The following BEND6 variants were observed in gnomAD, a reference collection of about 807,000 sequenced individuals.
The protein encoded by BEND6 is BEN domain containing 6.
A neutral mutation model predicts 31.8 loss-of-function variants in BEND6; 24 were observed. That is an observed-to-expected ratio of 0.75 (90% confidence interval 0.55 to 1.06). The LOEUF is 1.06. Ranked by LOEUF, BEND6 falls within the 50% of genes least tolerant of loss-of-function variation. The probability of loss-of-function intolerance (pLI) is 0.00; values close to 1 mark genes in which losing one functional copy is unlikely to be tolerated. For synonymous variants in BEND6, 109 were observed against 114.6 expected, an observed-to-expected ratio of 0.95 and a Z score of 0.31; for missense variants, 294 against 327.4, an observed-to-expected ratio of 0.90 and a Z score of 0.79.
intron 5 of BEND6, 60 bp from the exon 6 acceptor site, chr6:57,018,361 A>G (rs746983125): frequency 2.7e-5 from 41 of 1,526,058 alleles, no homozygotes; most frequent in Non-Finnish European, 3.4e-5. Context: ...ACCTCAGTTC[A>G]TACCCTAAGA....
At chr6:56,988,900 G>A (rs547682449) in intron 2 of BEND6, among the ~76,000 whole-genome samples, 118 of 152,118 alleles carry the variant, frequency 7.8e-4, no homozygotes, top group Admixed American at 4.3e-3. Flanking sequence ...GCATGCTGGC[G>A]CGTGCCTGAA....
At chr6:57,003,256 T>C (rs944256148) in intron 3 of BEND6, among the ~76,000 whole-genome samples, 3 of 152,108 alleles carry the variant, frequency 2.0e-5, no homozygotes, top group Admixed American at 2.0e-4. Flanking sequence ...ATCTCACCAC[T>C]TTGAAAGGCC....
At chr6:56,965,676 T>TTATATA (rs35074783) in intron 1 of BEND6, among the ~76,000 whole-genome samples, 3,996 of 136,484 alleles carry the variant, frequency 0.029, 72 homozygotes, top group African/African-American at 0.046. Context: ...ACAAAAAAAT[T>TTATATA]TATATATATA....
chr6:56,958,324 T>C (rs539396461), intron 1 of BEND6, among the ~76,000 whole-genome samples: 2 of 152,122 alleles, frequency 1.3e-5, no homozygotes, highest in South Asian at 4.1e-4. Context: ...CTCAGTACTT[T>C]CTTAGAGGCA....
intron 1 of BEND6, chr6:56,975,880 A>G (rs1825854593): frequency 1.9e-6 from 1 of 527,186 alleles, no homozygotes; most frequent in Admixed American, 2.0e-5. Flanking sequence ...TAGAGCCAAC[A>G]CTTGCAGGTT....
chr6:56,962,154 A>T (rs746755231), intron 1 of BEND6, among the ~76,000 whole-genome samples: 69 of 152,282 alleles, frequency 4.5e-4, no homozygotes, highest in Non-Finnish European at 8.5e-4. Flanking sequence ...CCACCATGTG[A>T]TGACACAGCA....
intron 2 of BEND6, among the ~76,000 whole-genome samples, chr6:56,984,700 C>G (rs1826193443): frequency 6.6e-6 from 1 of 152,162 alleles, no homozygotes; most frequent in Non-Finnish European, 1.5e-5. Flanking sequence ...AGCATGAAAA[C>G]TGTTCTCTTC....
At chr6:57,004,563 A>T in intron 3 of BEND6, 2 of 886,658 alleles carry the variant, frequency 2.3e-6, no homozygotes, top group Non-Finnish European at 3.7e-6. Flanking sequence ...CAGGTGCGCC[A>T]GAACTACCAC....
At chr6:57,001,014 A>G (rs1472900285) in intron 3 of BEND6, among the ~76,000 whole-genome samples, 1 of 151,928 alleles carries the variant, frequency 6.6e-6, no homozygotes, top group Non-Finnish European at 1.5e-5. Context: ...CATTTTAGGG[A>G]AAGGAAAAAA....
intron 1 of BEND6, among the ~76,000 whole-genome samples, chr6:56,978,268 G>A (rs1206381096): frequency 2.0e-5 from 3 of 152,056 alleles, no homozygotes; most frequent in Non-Finnish European, 4.4e-5. Flanking sequence ...GGGTGAGAGA[G>A]CAAGACCCTG....
intron 1 of BEND6, among the ~76,000 whole-genome samples, chr6:56,963,906 TTAA>T (rs753405357): frequency 2.2e-4 from 33 of 147,822 alleles, no homozygotes; most frequent in African/African-American, 5.4e-4. Flanking sequence ...AATTACAATA[TTAA>T]TAATATACTT....
intron 4 of BEND6, 84 bp from the exon 5 acceptor site, chr6:57,017,123 C>G (rs1827590657): frequency 2.3e-6 from 2 of 856,670 alleles, no homozygotes; most frequent in Admixed American, 7.7e-5. Context: ...ACATTGTTTT[C>G]TTTTATGCCT....
chr6:56,987,444 G>T (rs17758700), intron 2 of BEND6, among the ~76,000 whole-genome samples: 1 of 152,104 alleles, frequency 6.6e-6, no homozygotes, highest in Admixed American at 6.5e-5. Context: ...TCTGTGGCCC[G>T]GAGAGACACC....
chr6:56,981,937 T>C lies in BEND6; in HGVS notation c.120+7T>C. ...TGACATGGATAAAGGACAGGTTGGT[T>C]TTTTGTTACCTTGACTCAACTTTGT... is the stretch of plus-strand genomic sequence containing the variant. On this transcript the variant is annotated splice_region_variant and intron_variant, in intron 2 of 6. Transcript: ENST00000370746. 6.2e-7 allele frequency: 1 copy of C among 1,601,692 alleles called. No individual in the cohort carries two copies. The highest frequency in any genetic ancestry group is 8.5e-7 in the Non-Finnish European group (1 of 1,176,082).
chr6:57,014,315 C>T (rs1827454005), intron 3 of BEND6: 2 of 438,674 alleles, frequency 4.6e-6, no homozygotes, highest in Non-Finnish European at 8.2e-6. Context: ...AATTGTAGCT[C>T]AATAATATGC....
intron 3 of BEND6, 46 bp from the exon 4 acceptor site, chr6:57,015,087 T>A: frequency 6.6e-7 from 1 of 1,517,466 alleles, no homozygotes; most frequent in South Asian, 1.2e-5. Flanking sequence ...CATATGCACC[T>A]ATTATCAATG....
chr6:56,988,389 C>G (rs904906813), intron 2 of BEND6, among the ~76,000 whole-genome samples: 3 of 151,930 alleles, frequency 2.0e-5, no homozygotes, highest in Non-Finnish European at 4.4e-5. Context: ...GACCTAATAG[C>G]ATAGTCTCAG....
intron 6 of BEND6, among the ~76,000 whole-genome samples, chr6:57,021,970 C>G (rs988126918): frequency 2.0e-5 from 3 of 152,010 alleles, no homozygotes; most frequent in Admixed American, 6.6e-5. Flanking sequence ...GCCAGGGATG[C>G]TGCTAAACAT....
chr6:56,980,475 C>T (rs1255445630), intron 1 of BEND6, among the ~76,000 whole-genome samples: 1 of 152,164 alleles, frequency 6.6e-6, no homozygotes, highest in Non-Finnish European at 1.5e-5. Context: ...AGGTGTGAGC[C>T]ACTGCATGTG....
Sources: allele counts gnomAD v4.1 joint callset (sites outside exome capture counted in the v4.1 genomes callset), GRCh38; gene constraint gnomAD v4.1.1; transcripts MANE v1.5; gene names NCBI Gene and HGNC (gene_info 2026-07-23, HGNC 2026-07-21).